The following UNC5C variants were observed in gnomAD, a reference collection of about 807,000 sequenced individuals.
UNC5C encodes the protein netrin receptor UNC5C.
Under a neutral mutation model 99.8 loss-of-function variants are expected in UNC5C, and 47 were observed. The observed-to-expected ratio is 0.47, with a 90% confidence interval of 0.37 to 0.60. The LOEUF (loss-of-function observed/expected upper bound fraction) is 0.60. Ranked by LOEUF, UNC5C falls within the 20% of genes least tolerant of loss-of-function variation. UNC5C has a pLI of 0.00. For synonymous variants in UNC5C, 487 were observed against 452.2 expected (o/e 1.08, Z -0.98); for missense variants, 1,062 against 1,165.9 (o/e 0.91, Z 1.30).
chr4:95,263,230 T>C (rs1740312329), intron 4 of UNC5C, among the ~76,000 whole-genome samples: 1 of 152,244 alleles, frequency 6.6e-6, no homozygotes, highest in South Asian at 2.1e-4. Flanking sequence ...AACAATTCTT[T>C]TTAAAGATGT....
intron 1 of UNC5C, 45 bp downstream of exon 1, chr4:95,548,689 A>T (rs753144842): frequency 3.8e-6 from 6 of 1,597,486 alleles, no homozygotes; most frequent in Non-Finnish European, 5.1e-6. Flanking sequence ...GGAGGGAAGG[A>T]AGAAGCTAAG....
chr4:95,502,385 C>T (rs976000956), intron 1 of UNC5C, among the ~76,000 whole-genome samples: 1 of 152,110 alleles, frequency 6.6e-6, no homozygotes, highest in Non-Finnish European at 1.5e-5. Context: ...CCTCCCCTTT[C>T]GGCCTCCCAA....
At chr4:95,411,986 T>TG (rs1746006595) in intron 1 of UNC5C, among the ~76,000 whole-genome samples, 1 of 151,386 alleles carries the variant, frequency 6.6e-6, no homozygotes, top group African/African-American at 2.4e-5. Context: ...GTGGAATGTT[T>TG]TTTTTTTTTT....
intron 2 of UNC5C, among the ~76,000 whole-genome samples, chr4:95,302,901 A>G (rs2149404620): frequency 1.3e-5 from 2 of 152,276 alleles, no homozygotes; most frequent in South Asian, 4.2e-4. Flanking sequence ...TATACAACTT[A>G]TTATTTAGGT....
At chr4:95,496,765 G>A (rs1253429817) in intron 1 of UNC5C, among the ~76,000 whole-genome samples, 1 of 151,744 alleles carries the variant, frequency 6.6e-6, no homozygotes, top group Non-Finnish European at 1.5e-5. Flanking sequence ...GATGATTTCT[G>A]AGATTTTGGT....
chr4:95,462,098 T>G (rs543194212), intron 1 of UNC5C, among the ~76,000 whole-genome samples: 87 of 152,230 alleles, frequency 5.7e-4, no homozygotes, highest in African/African-American at 2.0e-3. Context: ...CCATAAAATA[T>G]AACCGCGTTC....
At chr4:95,242,348 T>C (rs1739354214) in intron 7 of UNC5C, 81 bp downstream of exon 7, 2 of 1,547,376 alleles carry the variant, frequency 1.3e-6, no homozygotes, top group East Asian at 2.3e-5. Flanking sequence ...GAATTCTTTA[T>C]TTCTAATGTT....
intron 1 of UNC5C, among the ~76,000 whole-genome samples, chr4:95,440,747 T>C (rs377490969): frequency 6.6e-6 from 1 of 152,048 alleles, no homozygotes; most frequent in African/African-American, 2.4e-5. Flanking sequence ...CATTTGGCCA[T>C]GCCTCAGTGA....
chr4:95,521,725 T>C (rs1722363912), intron 1 of UNC5C, among the ~76,000 whole-genome samples: 1 of 152,208 alleles, frequency 6.6e-6, no homozygotes. Context: ...TACGTAGATA[T>C]TCATAAACCT....
At chr4:95,207,688 A>G (rs1436715609) in intron 10 of UNC5C, among the ~76,000 whole-genome samples, 1 of 152,074 alleles carries the variant, frequency 6.6e-6, no homozygotes, top group Non-Finnish European at 1.5e-5. Flanking sequence ...GAAATCATGG[A>G]CTCACAGAAT....
intron 1 of UNC5C, among the ~76,000 whole-genome samples, chr4:95,372,367 C>A (rs1329258613): frequency 6.6e-6 from 1 of 152,128 alleles, no homozygotes; most frequent in African/African-American, 2.4e-5. Flanking sequence ...TGTTTGGCAT[C>A]CATGTATTTG....
chr4:95,307,201 A>T (rs1166921522), intron 2 of UNC5C, among the ~76,000 whole-genome samples: 2 of 152,092 alleles, frequency 1.3e-5, no homozygotes, highest in African/African-American at 2.4e-5. Context: ...CTATAGCAGG[A>T]AGACATTGTA....
At chr4:95,500,629 A>G (rs907980149) in intron 1 of UNC5C, among the ~76,000 whole-genome samples, 1 of 152,078 alleles carries the variant, frequency 6.6e-6, no homozygotes, top group African/African-American at 2.4e-5. Flanking sequence ...GATTAAGGAG[A>G]GCTATTATAT....
chr4:95,300,096 A>G (rs1490781845), intron 3 of UNC5C, among the ~76,000 whole-genome samples: 2 of 152,224 alleles, frequency 1.3e-5, no homozygotes, highest in Non-Finnish European at 2.9e-5. Context: ...ACAAAATAGA[A>G]TTAGTAAAAT....
intron 4 of UNC5C, among the ~76,000 whole-genome samples, chr4:95,273,684 A>G (rs1740747183): frequency 6.6e-6 from 1 of 152,198 alleles, no homozygotes; most frequent in Non-Finnish European, 1.5e-5. Context: ...ACACTGAGCT[A>G]TATCATTTTA....
chr4:95,199,203 G>T lies in UNC5C; in HGVS notation c.2136+3528C>A, dbSNP rs1043827633. ...GTTAGAGAAGTAGCGAGATGGGAGAGAGTATGTTGGGAACATTAGCAGGGC... is the reference window on the plus strand; with the variant it reads ...GTTAGAGAAGTAGCGAGATGGGAGATAGTATGTTGGGAACATTAGCAGGGC... On this transcript the variant is annotated intron_variant, in intron 12 of 15. Coordinates refer to ENST00000453304, the MANE Select transcript of UNC5C (RefSeq NM_003728.4). Among the ~76,000 whole-genome samples, 47 of 152,138 alleles carry T rather than the reference G, an allele frequency of 3.1e-4. 1 individual carries two copies. The highest frequency in any genetic ancestry group is 1.1e-3 in the African/African-American group (47 of 41,426).
At chr4:95,433,870 TTC>T (rs747960262) in intron 1 of UNC5C, among the ~76,000 whole-genome samples, 1 of 136,860 alleles carries the variant, frequency 7.3e-6, no homozygotes, top group Non-Finnish European at 1.6e-5. Flanking sequence ...ATCTTCAGCC[TTC>T]TCTCTTTTTC....
rs1441406386 is a variant in UNC5C at position 95,372,696 on chromosome 4, A to G, written c.125-37065T>C. On this transcript the variant is annotated intron_variant, in intron 1 of 15. Coordinates refer to ENST00000453304, the MANE Select transcript of UNC5C (RefSeq NM_003728.4). ...AAAATTAGATCTAAGGCATATTACA[A>G]TAGAAATAGATATAAAATATAGCAC... 2.0e-5 allele frequency among the ~76,000 whole-genome samples: 3 copies of G among 152,298 alleles called. No individual in the cohort carries two copies. In the South Asian group the frequency reaches 6.2e-4, roughly 32 times the overall value.
intron 1 of UNC5C, among the ~76,000 whole-genome samples, chr4:95,524,855 CT>C (rs1163956185): frequency 2.0e-5 from 3 of 152,312 alleles, no homozygotes; most frequent in African/African-American, 7.2e-5. Flanking sequence ...AGCCCCAGTT[CT>C]ACATTAACTC....
Sources: gnomAD v4.1 joint callset for allele counts (sites outside exome capture counted in the v4.1 genomes callset) on GRCh38, gnomAD v4.1.1 for gene constraint, MANE v1.5 for transcripts, NCBI Gene and HGNC (gene_info 2026-07-23, HGNC 2026-07-21) for gene names.